Variants in LATS2 observed in about 807,000 individuals in gnomAD.
The protein encoded by LATS2 is large tumor suppressor kinase 2, also known as serine/threonine-protein kinase LATS2.
Under a neutral mutation model 76.0 loss-of-function variants are expected in LATS2, and 24 were observed. The ratio of observed to expected loss-of-function variants is 0.32; its 90% CI spans 0.23 to 0.44. LATS2 has a LOEUF of 0.44. Among genes scored for constraint, LATS2 ranks in the 20% least tolerant of loss-of-function variants. LATS2 has a pLI of 1.00. For missense variants in LATS2, 1,286 were observed against 1,481.2 expected, an observed-to-expected ratio of 0.87 and a Z score of 2.16; for synonymous variants, 692 against 635.4, an observed-to-expected ratio of 1.09 and a Z score of -1.34.
chr13:21,028,699 T>C (rs140424739), intron 2 of LATS2, among the ~76,000 whole-genome samples: 111 of 152,222 alleles, frequency 7.3e-4, no homozygotes, highest in African/African-American at 2.6e-3. Flanking sequence ...ACCTCCCAAT[T>C]AGCTGGGATT....
chr13:21,058,136 C>G (rs528914516), intron 1 of LATS2, among the ~76,000 whole-genome samples: 38 of 152,224 alleles, frequency 2.5e-4, no homozygotes, highest in Non-Finnish European at 4.3e-4. Flanking sequence ...TCTTTCTGAT[C>G]ATCAGAATAT....
rs757955227 is a variant in LATS2 at position 20,981,604 on chromosome 13, C to T, written c.2527G>A (p.Asp843Asn). Residue 843 changes from aspartate (D) to asparagine (N), a missense_variant, in exon 6 of 8, where the codon GAT becomes AAT. By Grantham distance (23) the Asp-to-Asn change is conservative. Transcript: ENST00000382592. ...CCACACCGACAGTTAGACACATCAT[C>T]CCAGAGGTCGCTGGGCTCCATGCTG... ...QDSMEPSDLW[D>N]DVSNCRCGDR... 3.0e-5 allele frequency: 48 copies of T among 1,614,032 alleles called. No individual in the cohort carries two copies. The highest frequency in any genetic ancestry group is 1.8e-4 in the Admixed American group (11 of 59,998).
chr13:21,019,506 TGTA>T (rs1454005888), intron 2 of LATS2, among the ~76,000 whole-genome samples: 20 of 120,606 alleles, frequency 1.7e-4, no homozygotes, highest in African/African-American at 4.4e-4. Flanking sequence ...TTTTTTTTTT[TGTA>T]TTTTTGTATT....
chr13:21,004,351 T>C (rs1478639714), intron 2 of LATS2, among the ~76,000 whole-genome samples: 2 of 151,808 alleles, frequency 1.3e-5, no homozygotes, highest in African/African-American at 2.4e-5. Context: ...AGAGAACCGC[T>C]TGAACCCAGG....
chr13:20,995,264 C>G (rs1870701900), intron 2 of LATS2, among the ~76,000 whole-genome samples: 1 of 152,124 alleles, frequency 6.6e-6, no homozygotes, highest in African/African-American at 2.4e-5. Flanking sequence ...TTTAATGGCT[C>G]TAATGTTTTA....
Position 20,988,011 on chromosome 13 carries a change from C to T in LATS2, c.1769G>A (p.Arg590Lys), listed in dbSNP as rs1450378941. Residue 590 changes from arginine to lysine, a missense_variant, in exon 4 of 8, where the codon AGA (arginine) becomes AAA (lysine). Transcript: ENST00000382592. ...CGAGTAGCTCTTGATGCGTGACTCT[C>T]TCTTCTCTTCGTCTCTGCTGTTTTT... ...VRKNSRDEEK[R>K]ESRIKSYSPY... The T allele has an allele frequency of 2.5e-6, 4 of 1,614,140 alleles. No individual in the cohort carries two copies. In the African/African-American group the frequency reaches 5.3e-5, roughly 22 times the overall value.
In LATS2 at chr13:20,983,317, T is replaced by C; in HGVS notation, c.2389A>G (p.Ile797Val). The C allele has an allele frequency of 6.2e-7, 1 of 1,614,090 alleles. No individual in the cohort carries two copies. Among genetic ancestry groups the C allele is most frequent in the Non-Finnish European group, 8.5e-7 (1 of 1,180,014 alleles). The part of the protein sequence containing the change: ...FIHRDIKPDN[I>V]LIDLDGHIKL... ...ATGTGACCATCCAGATCTATCAAAA[T>C]GTTATCAGGCTTGATGTCTCGGTGG... The change falls in exon 5 of 8, where the codon ATT becomes GTT. Residue 797 changes from isoleucine (I) to valine (V), a missense_variant. Transcript: ENST00000382592.
rs867067285 is a variant in LATS2 at position 21,007,632 on chromosome 13, A to G, written c.343-16228T>C. On this transcript the variant is annotated intron_variant, in intron 2 of 7. Coordinates refer to ENST00000382592, the MANE Select transcript of LATS2 (RefSeq NM_014572.3). ...GTATATATATATATAGTGTATATATATATATATATATAGTGTGTGTATATA... is the reference window on the plus strand; with the variant it reads ...GTATATATATATATAGTGTATATATGTATATATATATAGTGTGTGTATATA... Among the ~76,000 whole-genome samples the G allele has an allele frequency of 8.4e-3, 34 of 4,036 alleles. 7 individuals are homozygous for G. The highest frequency in any genetic ancestry group is 0.014 in the South Asian group (1 of 74). 2.6% of individuals were successfully genotyped at this position (4,036 alleles called of 152,430 possible). A position where few individuals can be genotyped will look rare whatever the true frequency, so the allele number is the denominator to read the frequency against.
intron 2 of LATS2, among the ~76,000 whole-genome samples, chr13:20,996,316 A>T (rs923822056): frequency 2.0e-5 from 3 of 151,784 alleles, no homozygotes; most frequent in African/African-American, 7.3e-5. Context: ...TTGAGATTTC[A>T]TTCACATCTC....
intron 2 of LATS2, among the ~76,000 whole-genome samples, chr13:21,030,534 A>G (rs868577045): frequency 2.8e-5 from 4 of 145,384 alleles, no homozygotes; most frequent in African/African-American, 7.7e-5. Context: ...GCTTGCAGCG[A>G]GCTGAGATCA....
intron 2 of LATS2, among the ~76,000 whole-genome samples, chr13:21,026,267 T>C (rs1872307845): frequency 6.6e-6 from 1 of 152,210 alleles, no homozygotes; most frequent in East Asian, 1.9e-4. Context: ...CCCTTTATAG[T>C]ACTCCCTCCC....
At chr13:21,016,032 C>T (rs1871784457) in intron 2 of LATS2, among the ~76,000 whole-genome samples, 1 of 151,690 alleles carries the variant, frequency 6.6e-6, no homozygotes, top group Non-Finnish European at 1.5e-5. Flanking sequence ...CTCTGTCACT[C>T]AGGCTGGAGT....
intron 2 of LATS2, among the ~76,000 whole-genome samples, chr13:21,030,957 CTTTCA>C (rs1872513709): frequency 1.3e-5 from 2 of 151,836 alleles, no homozygotes; most frequent in Non-Finnish European, 2.9e-5. Flanking sequence ...CTTTACGACA[CTTTCA>C]TTTCAGAAAG....
At chr13:20,985,639 G>C (rs1479326066) in intron 4 of LATS2, among the ~76,000 whole-genome samples, 1 of 152,164 alleles carries the variant, frequency 6.6e-6, no homozygotes, top group Non-Finnish European at 1.5e-5. Context: ...TCAGGAGGCT[G>C]AGGCAGGAGA....
intron 2 of LATS2, among the ~76,000 whole-genome samples, chr13:21,037,464 T>C (rs539378164): frequency 2.7e-5 from 4 of 146,570 alleles, no homozygotes; most frequent in Non-Finnish European, 5.9e-5. Flanking sequence ...TGAAAATGTT[T>C]ATGACGTAAT....
In LATS2 at chr13:20,973,108, A is replaced by G. The variant is rs1869412851; in HGVS notation, c.*1762T>C. On this transcript the variant is annotated 3_prime_UTR_variant, in exon 8 of 8. Transcript: ENST00000382592. ...AAAGGTAATGATATATCAATAAATA[A>G]TAGTTAAACTGAGTTCCTGAGAAAG... The G allele has an allele frequency of 4.3e-6, 1 of 230,530 alleles. No individual in the cohort carries two copies. The highest frequency in any genetic ancestry group is 2.2e-5 in the African/African-American group (1 of 45,178). The allele number at this position is 230,530 out of a possible 1,614,324, so 14.3% of individuals were successfully genotyped here. A position where few individuals can be genotyped will look rare whatever the true frequency, so the allele number is the denominator to read the frequency against.
At chr13:21,015,424 G>T (rs1230636592) in intron 2 of LATS2, among the ~76,000 whole-genome samples, 1 of 152,102 alleles carries the variant, frequency 6.6e-6, no homozygotes, top group Admixed American at 6.5e-5. Flanking sequence ...TGTATTTAAA[G>T]ACATGTCCAA....
intron 2 of LATS2, among the ~76,000 whole-genome samples, chr13:21,024,303 C>T (rs1872215439): frequency 6.6e-6 from 1 of 151,574 alleles, no homozygotes; most frequent in Non-Finnish European, 1.5e-5. Context: ...GGTGTGGTAG[C>T]ACATGCCTGG....
intron 2 of LATS2, among the ~76,000 whole-genome samples, chr13:20,994,291 G>T (rs1395423899): frequency 9.2e-5 from 14 of 152,174 alleles, no homozygotes; most frequent in Non-Finnish European, 1.2e-4. Flanking sequence ...GCTTGCCCTT[G>T]TTATCTGTCC....
Sources: allele counts gnomAD v4.1 joint callset (sites outside exome capture counted in the v4.1 genomes callset), GRCh38; gene constraint gnomAD v4.1.1; transcripts MANE v1.5; gene names NCBI Gene and HGNC (gene_info 2026-07-23, HGNC 2026-07-21).